BMPR2: variants seen among roughly 807,000 people sequenced by gnomAD.
BMPR2 encodes bone morphogenetic protein receptor type-2.
BMPR2 carries 29 observed loss-of-function variants against 100.8 expected under a neutral mutation model. The ratio of observed to expected loss-of-function variants is 0.29; its 90% CI spans 0.21 to 0.39. BMPR2 has a LOEUF of 0.39. BMPR2 is among the 10% of genes least tolerant of loss of function. The pLI is 1.00. For synonymous variants in BMPR2, 382 were observed against 442.3 expected, an observed-to-expected ratio of 0.86 and a Z score of 1.71; for missense variants, 1,011 against 1,274.5, an observed-to-expected ratio of 0.79 and a Z score of 3.15.
At chr2:202,530,723 T>C (rs1200895582) in intron 7 of BMPR2, 71 bp from the exon 8 acceptor site, 1 of 1,351,246 alleles carries the variant, frequency 7.4e-7, no homozygotes, top group African/African-American at 1.5e-5. Flanking sequence ...TACTTCTATA[T>C]TTATGTATGT....
rs188643516 is a variant in BMPR2, at chr2:202,484,483, G to T, written c.418+16794G>T. On this transcript the variant is annotated intron_variant, in intron 3 of 12. Coordinates refer to ENST00000374580, the MANE Select transcript of BMPR2 (RefSeq NM_001204.7). ...AGGTCAGGAGATCGAGACCATCCTG[G>T]CTAACACAGTGAAACGCTGTCTCTA... Among the ~76,000 whole-genome samples, 55 of 151,668 alleles carry T rather than the reference G, an allele frequency of 3.6e-4. 1 individual carries two copies. The highest frequency in any genetic ancestry group is 8.6e-4 in the Admixed American group (13 of 15,158).
At position 202,469,034 on chromosome 2, in the gene BMPR2, T is replaced by G. The variant is rs913737033; in HGVS notation, c.418+1345T>G. ...TTTTGTTTATTTTTTGGTTTTGTTT[T>G]GTTTTGTTTTTTTGAGATGGAGTTT... On this transcript the variant is annotated intron_variant, in intron 3 of 12. Transcript: ENST00000374580. 2.0e-5 allele frequency among the ~76,000 whole-genome samples: 3 copies of G among 152,172 alleles called. 1 individual carries two copies. In the South Asian group the frequency reaches 6.2e-4, roughly 32 times the overall value.
rs144390798 is a variant in BMPR2 at position 202,536,946 on chromosome 2, G to A, written c.1276+4214G>A. On this transcript the variant is annotated intron_variant, in intron 9 of 12. Transcript: ENST00000374580. The stretch of plus-strand genomic sequence containing the variant: ...ACAGGGTCTCACTCCTGCCCAGGCC[G>A]GAGTGCAGTAGTGCAATCATAGCTC... 7.4e-3 allele frequency among the ~76,000 whole-genome samples: 1,126 copies of A among 151,860 alleles called. 6 individuals carry two copies. The highest frequency in any genetic ancestry group is 0.013 in the Non-Finnish European group (878 of 67,954).
At chr2:202,462,265 T>C (rs1249628100) in intron 1 of BMPR2, among the ~76,000 whole-genome samples, 1 of 150,990 alleles carries the variant, frequency 6.6e-6, no homozygotes, top group African/African-American at 2.4e-5. Flanking sequence ...AGTCTTGCTC[T>C]GTCGCCCAGG....
intron 1 of BMPR2, among the ~76,000 whole-genome samples, chr2:202,390,170 C>T (rs558763109): frequency 8.5e-5 from 13 of 152,114 alleles, no homozygotes; most frequent in South Asian, 2.1e-4. Flanking sequence ...GTATATTGTA[C>T]ATAAAGTTTT....
rs750326466 is a variant in BMPR2 at position 202,467,688 on chromosome 2, C to T, written c.417C>T (p.Leu139=). ...ENFPPPDTTP[L]SPPHSFNRDE... is the part of the protein sequence containing the mutation. ...TTCCACCTCCTGACACAACACCACT[C>T]AGTAAGTAAAGTAACCAACTTTTCT... Residue 139 remains leucine (L), a splice_region_variant and synonymous_variant, in exon 3 of 13, where the codon CTC becomes CTT. Coordinates refer to ENST00000374580, the MANE Select transcript of BMPR2 (RefSeq NM_001204.7). The T allele has an allele frequency of 4.4e-6, 7 of 1,608,566 alleles. No individual in the cohort carries two copies. In the Admixed American group the frequency reaches 1.0e-4, roughly 23 times the overall value.
chr2:202,472,016 T>A (rs35771804), intron 3 of BMPR2, among the ~76,000 whole-genome samples: 1 of 152,150 alleles, frequency 6.6e-6, no homozygotes, highest in Admixed American at 6.5e-5. Flanking sequence ...GTATATGGTG[T>A]ATTCTTTGTA....
chr2:202,437,592 C>A (rs1691640153), intron 1 of BMPR2, among the ~76,000 whole-genome samples: 1 of 150,486 alleles, frequency 6.6e-6, no homozygotes, highest in Non-Finnish European at 1.5e-5. Flanking sequence ...ACTAAGAAGT[C>A]CCATGTCCAT....
intron 1 of BMPR2, among the ~76,000 whole-genome samples, chr2:202,421,288 A>G (rs954788824): frequency 2.0e-5 from 3 of 149,996 alleles, no homozygotes; most frequent in African/African-American, 7.4e-5. Flanking sequence ...CAGCCTGGAC[A>G]ATAAGACCAC....
rs1688719631 is a variant in BMPR2, at chr2:202,564,232, C to G, written c.*4286C>G. 1 of 152,102 alleles carries G rather than the reference C, an allele frequency of 6.6e-6. No homozygotes were observed. Among genetic ancestry groups the G allele is most frequent in the South Asian group, 2.1e-4 (1 of 4,820 alleles). The allele number at this position is 152,102 out of a possible 1,614,324, so 9.4% of individuals were successfully genotyped here. ...TGGACATGAATATTTTATTGGAGAT[C>G]ATTAACTCCTAGAATTTGAGATTAT... is the stretch of plus-strand genomic sequence containing the variant. On this transcript the variant is annotated 3_prime_UTR_variant, in exon 13 of 13. Transcript: ENST00000374580.
intron 10 of BMPR2, among the ~76,000 whole-genome samples, chr2:202,547,056 G>C (rs1395806413): frequency 6.6e-6 from 1 of 152,066 alleles, no homozygotes; most frequent in East Asian, 1.9e-4. Flanking sequence ...TCATGAGTCA[G>C]CATGCCTGGC....
chr2:202,429,603 G>T (rs1296212140), intron 1 of BMPR2, among the ~76,000 whole-genome samples: 1 of 152,100 alleles, frequency 6.6e-6, no homozygotes, highest in Non-Finnish European at 1.5e-5. Context: ...TAGTCTGCTT[G>T]GGCTGTGTAT....
chr2:202,535,130 G>C (rs1388972335), intron 9 of BMPR2, among the ~76,000 whole-genome samples: 1 of 140,194 alleles, frequency 7.1e-6, no homozygotes, highest in Non-Finnish European at 1.6e-5. Flanking sequence ...GCCGGGCGGG[G>C]GGCTGACCCC....
In BMPR2 at chr2:202,477,022, T is replaced by C. The variant is rs76412220; in HGVS notation, c.418+9333T>C. Among the ~76,000 whole-genome samples the C allele has an allele frequency of 3.0e-3, 456 of 151,816 alleles. 5 individuals carry two copies. Among genetic ancestry groups the C allele is most frequent in the African/African-American group, 9.5e-3 (395 of 41,370 alleles). On this transcript the variant is annotated intron_variant, in intron 3 of 12. Coordinates refer to ENST00000374580, the MANE Select transcript of BMPR2 (RefSeq NM_001204.7). Reference sequence around the variant, plus strand: ...CTTGATTGTTTGGAATGTTATATAGTGTAATGATTAAGAGCATAGGTCATC... The same window carrying C: ...CTTGATTGTTTGGAATGTTATATAGCGTAATGATTAAGAGCATAGGTCATC...
intron 3 of BMPR2, among the ~76,000 whole-genome samples, chr2:202,510,942 G>A (rs960047315): frequency 6.7e-6 from 1 of 149,846 alleles, no homozygotes; most frequent in Non-Finnish European, 1.5e-5. Flanking sequence ...GCCTCCCAAC[G>A]TGTTGGGATG....
chr2:202,527,441 T>C (rs1033791099), intron 7 of BMPR2, among the ~76,000 whole-genome samples: 1 of 150,968 alleles, frequency 6.6e-6, no homozygotes, highest in African/African-American at 2.4e-5. Flanking sequence ...TGAGCTGAGA[T>C]TGCCGCCACT....
intron 3 of BMPR2, among the ~76,000 whole-genome samples, chr2:202,486,212 T>C (rs1692775306): frequency 6.6e-6 from 1 of 152,232 alleles, no homozygotes; most frequent in Non-Finnish European, 1.5e-5. Flanking sequence ...TCCATGCTAA[T>C]GGAAGGCATA....
chr2:202,492,725 C>CAAAAAAAAAAAAA (rs796078041), intron 3 of BMPR2, among the ~76,000 whole-genome samples: 2 of 111,690 alleles, frequency 1.8e-5, no homozygotes, highest in African/African-American at 3.3e-5. Context: ...AAAAAAAAAC[C>CAAAAAAAAAAAAA]AAAAAAAAAA....
intron 10 of BMPR2, among the ~76,000 whole-genome samples, chr2:202,544,881 C>CAG (rs1688347587): frequency 6.9e-6 from 1 of 145,356 alleles, no homozygotes; most frequent in African/African-American, 2.5e-5. Flanking sequence ...TCTCCTTCTT[C>CAG]ATCTTCCTGA....
Sources: gnomAD v4.1 joint callset for allele counts (sites outside exome capture counted in the v4.1 genomes callset) on GRCh38, gnomAD v4.1.1 for gene constraint, MANE v1.5 for transcripts, NCBI Gene and HGNC (gene_info 2026-07-23, HGNC 2026-07-21) for gene names.